Variants in ARHGAP15 observed in about 807,000 individuals in gnomAD.
ARHGAP15 encodes the protein rho GTPase-activating protein 15.
Under a neutral mutation model 63.7 loss-of-function variants are expected in ARHGAP15, and 51 were observed. The ratio of observed to expected loss-of-function variants is 0.80; its 90% CI spans 0.64 to 1.01. The LOEUF (loss-of-function observed/expected upper bound fraction) is 1.01. Among genes scored for constraint, ARHGAP15 ranks in the 50% least tolerant of loss-of-function variants. The probability of loss-of-function intolerance (pLI) is 0.00; values close to 1 mark genes in which losing one functional copy is unlikely to be tolerated. For missense variants in ARHGAP15, 560 were observed against 564.6 expected (o/e 0.99, Z 0.08); for synonymous variants, 191 against 193.8 (o/e 0.99, Z 0.12).
intron 6 of ARHGAP15, among the ~76,000 whole-genome samples, chr2:143,291,275 G>A (rs1035595902): frequency 1.3e-5 from 2 of 152,024 alleles, no homozygotes; most frequent in Non-Finnish European, 1.5e-5. Flanking sequence ...GTATTTTGGG[G>A]GGTACTTGGG....
intron 2 of ARHGAP15, among the ~76,000 whole-genome samples, chr2:143,184,818 G>A (rs999867225): frequency 6.6e-6 from 1 of 151,428 alleles, no homozygotes; most frequent in East Asian, 1.9e-4. Flanking sequence ...AGGACTACAG[G>A]TACACCACGA....
intron 2 of ARHGAP15, among the ~76,000 whole-genome samples, chr2:143,190,676 T>C (rs1313369019): frequency 6.6e-6 from 1 of 152,230 alleles, no homozygotes; most frequent in Non-Finnish European, 1.5e-5. Flanking sequence ...CCTTTCTGAA[T>C]GATGGCTGTT....
chr2:143,649,172 A>G (rs1228728808), intron 12 of ARHGAP15, among the ~76,000 whole-genome samples: 1 of 151,684 alleles, frequency 6.6e-6, no homozygotes, highest in Non-Finnish European at 1.5e-5. Flanking sequence ...TCTATCATTC[A>G]TCATCATCAT....
Position 143,437,055 on chromosome 2 carries a change from TTTGAC to T in ARHGAP15, c.703+17_703+21del. 6.3e-7 allele frequency: 1 copy of T among 1,587,936 alleles called. No individual in the cohort carries two copies. On this transcript the variant is annotated intron_variant, in intron 8 of 13. Coordinates refer to ENST00000295095, the MANE Select transcript of ARHGAP15 (RefSeq NM_018460.4). The stretch of plus-strand genomic sequence containing the variant: ...AGAAAATCTTTAAGTGAGTATTTTC[TTTGAC>T]TTGCTCATTTTAAGTTTGTCTAAAT...
At chr2:143,341,235 G>A (rs997933353) in intron 6 of ARHGAP15, among the ~76,000 whole-genome samples, 7 of 151,740 alleles carry the variant, frequency 4.6e-5, no homozygotes, top group South Asian at 2.1e-4. Context: ...TTTTTCTTTC[G>A]TATTCATTAT....
chr2:143,423,733 CATA>C (rs2105059298), intron 6 of ARHGAP15, among the ~76,000 whole-genome samples: 1 of 152,208 alleles, frequency 6.6e-6, no homozygotes, highest in East Asian at 1.9e-4. Flanking sequence ...CAAATAATAA[CATA>C]ATATTTTAAG....
chr2:143,387,258 G>A (rs1687325371), intron 6 of ARHGAP15, among the ~76,000 whole-genome samples: 2 of 152,144 alleles, frequency 1.3e-5, no homozygotes, highest in African/African-American at 4.8e-5. Flanking sequence ...AAGGAATTTA[G>A]GAACATTGAT....
At chr2:143,224,038 T>C (rs1693105171) in intron 4 of ARHGAP15, among the ~76,000 whole-genome samples, 1 of 152,220 alleles carries the variant, frequency 6.6e-6, no homozygotes, top group South Asian at 2.1e-4. Context: ...TGGCACGTGG[T>C]AAATGTTTAA....
At chr2:143,284,247 A>T (rs1264400276) in intron 6 of ARHGAP15, among the ~76,000 whole-genome samples, 1 of 152,168 alleles carries the variant, frequency 6.6e-6, no homozygotes, top group African/African-American at 2.4e-5. Flanking sequence ...AGCTGTATGG[A>T]CTTGGGGCCT....
chr2:143,533,154 A>G (rs1694592432), intron 10 of ARHGAP15: 1 of 152,220 alleles, frequency 6.6e-6, no homozygotes, highest in Admixed American at 6.5e-5. Context: ...GAGTGACAGG[A>G]TGATGAGCAG....
intron 8 of ARHGAP15, among the ~76,000 whole-genome samples, chr2:143,474,363 T>G (rs1050528702): frequency 1.2e-4 from 19 of 152,184 alleles, no homozygotes; most frequent in African/African-American, 4.3e-4. Flanking sequence ...GCATACAAAT[T>G]TAAATATATT....
intron 6 of ARHGAP15, among the ~76,000 whole-genome samples, chr2:143,326,532 C>G (rs1043298348): frequency 8.5e-5 from 13 of 152,122 alleles, no homozygotes; most frequent in African/African-American, 3.1e-4. Flanking sequence ...TTTTAGGAAC[C>G]AGCCTAAATC....
chr2:143,201,970 C>CTTTGA (rs1692136861), intron 2 of ARHGAP15, among the ~76,000 whole-genome samples, 164 bp from the exon 3 acceptor site: 1 of 152,038 alleles, frequency 6.6e-6, no homozygotes, highest in South Asian at 2.1e-4. Flanking sequence ...TCTTTGAGTA[C>CTTTGA]GTATTTTATT....
intron 6 of ARHGAP15, among the ~76,000 whole-genome samples, chr2:143,364,305 T>A (rs1248681959): frequency 1.3e-5 from 2 of 152,202 alleles, no homozygotes; most frequent in African/African-American, 4.8e-5. Flanking sequence ...TGCTATTATA[T>A]AACAGAAATT....
chr2:143,351,602 AC>A (rs1252234826), intron 6 of ARHGAP15, among the ~76,000 whole-genome samples: 2 of 152,092 alleles, frequency 1.3e-5, no homozygotes, highest in Non-Finnish European at 2.9e-5. Context: ...TGGCTTTTTA[AC>A]CTGGCGGGAT....
At chr2:143,624,065 A>G (rs761515010) in intron 11 of ARHGAP15, 68 bp from the exon 12 acceptor site, 40 of 1,568,272 alleles carry the variant, frequency 2.6e-5, no homozygotes, top group Non-Finnish European at 3.3e-5. Flanking sequence ...AAACATTAAC[A>G]TAATAATTAG....
At chr2:143,554,856 C>A (rs1039452926) in intron 10 of ARHGAP15, among the ~76,000 whole-genome samples, 3 of 152,096 alleles carry the variant, frequency 2.0e-5, no homozygotes, top group South Asian at 2.1e-4. Context: ...TTGTGCATCA[C>A]GAAGAAAAAA....
In ARHGAP15 at chr2:143,518,268, G is replaced by T. The variant is rs370919169; in HGVS notation, c.827-998G>T. On this transcript the variant is annotated intron_variant, in intron 9 of 13. Transcript: ENST00000295095. Reference sequence around the variant, plus strand: ...CTGTGCAAGCACTGGTGAAGACATAGATGATTCAGACACTCAGAATCTGCT... The same window carrying T: ...CTGTGCAAGCACTGGTGAAGACATATATGATTCAGACACTCAGAATCTGCT... 9.2e-5 allele frequency among the ~76,000 whole-genome samples: 14 copies of T among 152,340 alleles called. 1 individual carries two copies. Among genetic ancestry groups the T allele is most frequent in the African/African-American group, 3.4e-4 (14 of 41,576 alleles).
intron 6 of ARHGAP15, among the ~76,000 whole-genome samples, chr2:143,406,435 G>A (rs1466427796): frequency 6.6e-6 from 1 of 151,840 alleles, no homozygotes; most frequent in Admixed American, 6.6e-5. Context: ...TACTGTCTTT[G>A]TGTCTTAAGC....
Sources: allele counts gnomAD v4.1 joint callset (sites outside exome capture counted in the v4.1 genomes callset), GRCh38; gene constraint gnomAD v4.1.1; transcripts MANE v1.5; gene names NCBI Gene and HGNC (gene_info 2026-07-23, HGNC 2026-07-21).